SFMBT2: variants seen among roughly 807,000 people sequenced by gnomAD.
The protein encoded by SFMBT2 is scm-like with four MBT domains protein 2.
Under a neutral mutation model 110.1 loss-of-function variants are expected in SFMBT2, and 38 were observed. That is an observed-to-expected ratio of 0.35 (90% CI 0.27 to 0.45). The LOEUF (loss-of-function observed/expected upper bound fraction) is 0.45, where lower values mean the gene tolerates loss of function less well. Ranked by LOEUF, SFMBT2 falls within the 20% of genes least tolerant of loss-of-function variation. The pLI, the probability that SFMBT2 is intolerant of heterozygous loss-of-function variation, is 1.00. For synonymous variants in SFMBT2, 425 were observed against 425.4 expected, an observed-to-expected ratio of 1.00 and a Z score of 0.01; for missense variants, 1,011 against 1,094.9, an observed-to-expected ratio of 0.92 and a Z score of 1.08.
chr10:7,221,162 C>CAT (rs1839721310), intron 10 of SFMBT2, among the ~76,000 whole-genome samples: 1 of 152,090 alleles, frequency 6.6e-6, no homozygotes, highest in Non-Finnish European at 1.5e-5. Flanking sequence ...AAGTACACAC[C>CAT]ATTTCCTCCA....
chr10:7,193,798 C>T lies in SFMBT2; in HGVS notation c.1698+3750G>A, dbSNP rs1389818688. ...ATGTAAGTTACAAGGCAAAAATTTC[C>T]TGAACACCTCGTGCAATGCAAAGGA... On this transcript the variant is annotated intron_variant, in intron 15 of 20. Transcript: ENST00000397167. 2.0e-5 allele frequency among the ~76,000 whole-genome samples: 3 copies of T among 152,312 alleles called. No individual in the cohort carries two copies. The East Asian group carries it at 5.8e-4, about 29-fold the overall frequency.
intron 1 of SFMBT2, among the ~76,000 whole-genome samples, chr10:7,389,160 T>G (rs979841436): frequency 6.6e-6 from 1 of 152,154 alleles, no homozygotes; most frequent in Non-Finnish European, 1.5e-5. Flanking sequence ...AACAGATAAT[T>G]CTTGGGGAAA....
intron 14 of SFMBT2, 23 bp downstream of exon 14, chr10:7,200,391 A>AC (rs777267462): frequency 6.5e-7 from 1 of 1,546,612 alleles, no homozygotes; most frequent in Non-Finnish European, 8.7e-7. Context: ...AGGCACAGAG[A>AC]CCCCCTAAAT....
chr10:7,187,742 A>G (rs1173329974), intron 16 of SFMBT2, among the ~76,000 whole-genome samples: 1 of 152,206 alleles, frequency 6.6e-6, no homozygotes, highest in African/African-American at 2.4e-5. Flanking sequence ...ATTATTTCAT[A>G]TTTCTCAATT....
chr10:7,329,690 G>A (rs1843508588), intron 4 of SFMBT2: 2 of 168,568 alleles, frequency 1.2e-5, no homozygotes, highest in Admixed American at 6.5e-5. Context: ...GGCCGGGACT[G>A]CTGGCCACAG....
At chr10:7,255,754 C>G (rs998474735) in intron 7 of SFMBT2, among the ~76,000 whole-genome samples, 1 of 152,194 alleles carries the variant, frequency 6.6e-6, no homozygotes, top group African/African-American at 2.4e-5. Context: ...CACTCTCCTA[C>G]TAAGATGTAG....
At chr10:7,230,855 C>T (rs1220663270) in intron 9 of SFMBT2, among the ~76,000 whole-genome samples, 6 of 152,234 alleles carry the variant, frequency 3.9e-5, no homozygotes, top group African/African-American at 1.4e-4. Context: ...ATTGCTTGAA[C>T]CCGGAGGCGG....
intron 4 of SFMBT2, among the ~76,000 whole-genome samples, chr10:7,286,845 A>C (rs1397324811): frequency 6.6e-6 from 1 of 152,140 alleles, no homozygotes; most frequent in Non-Finnish European, 1.5e-5. Context: ...CTGGGAAATA[A>C]TACTGAGTGG....
intron 20 of SFMBT2, among the ~76,000 whole-genome samples, chr10:7,169,763 C>T (rs369385433): frequency 3.9e-5 from 6 of 152,184 alleles, no homozygotes; most frequent in South Asian, 2.1e-4. Flanking sequence ...AACTTGTTTC[C>T]GTATTAATTT....
At chr10:7,359,306 T>A (rs141578891) in intron 4 of SFMBT2, among the ~76,000 whole-genome samples, 1 of 152,276 alleles carries the variant, frequency 6.6e-6, no homozygotes, top group East Asian at 1.9e-4. Context: ...TCATCTGAGC[T>A]GCATCTGGAG....
intron 12 of SFMBT2, chr10:7,204,575 A>G (rs74533210): frequency 0.039 from 32,561 of 844,156 alleles, 736 homozygotes; most frequent in Non-Finnish European, 0.043. Flanking sequence ...TAACCTACAA[A>G]AATATGTTAA....
At chr10:7,403,001 C>T (rs1371819117) in intron 1 of SFMBT2, among the ~76,000 whole-genome samples, 1 of 152,068 alleles carries the variant, frequency 6.6e-6, no homozygotes, top group Non-Finnish European at 1.5e-5. Context: ...ATATTGAAAC[C>T]AATTATTTTC....
At chr10:7,358,458 G>A (rs1379668842) in intron 4 of SFMBT2, among the ~76,000 whole-genome samples, 1 of 150,524 alleles carries the variant, frequency 6.6e-6, no homozygotes, top group Non-Finnish European at 1.5e-5. Context: ...GCATGGCCCT[G>A]GAATGGAGGC....
intron 4 of SFMBT2, among the ~76,000 whole-genome samples, chr10:7,332,263 T>C (rs1360832825): frequency 6.6e-6 from 1 of 152,196 alleles, no homozygotes; most frequent in Non-Finnish European, 1.5e-5. Context: ...TCAATAAGGC[T>C]GAGAAGAGTG....
At chr10:7,407,445 G>A (rs1227858865) in intron 1 of SFMBT2, among the ~76,000 whole-genome samples, 1 of 152,130 alleles carries the variant, frequency 6.6e-6, no homozygotes, top group Non-Finnish European at 1.5e-5. Flanking sequence ...AGAGGGGTCG[G>A]CCTCGTCTAA....
chr10:7,383,695 C>T (rs1429165545), intron 1 of SFMBT2, among the ~76,000 whole-genome samples: 2 of 152,188 alleles, frequency 1.3e-5, no homozygotes, highest in African/African-American at 4.8e-5. Context: ...AATGACAGTG[C>T]AACAGAGAAG....
At chr10:7,178,579 C>A (rs1838145360) in intron 16 of SFMBT2, among the ~76,000 whole-genome samples, 2 of 152,106 alleles carry the variant, frequency 1.3e-5, no homozygotes, top group South Asian at 4.1e-4. Context: ...CACCCACCCA[C>A]ACAACAAAGA....
rs769325050 is a variant in SFMBT2, at chr10:7,171,051, C to T, written c.2421G>A (p.Thr807=). The T allele has an allele frequency of 8.1e-6, 13 of 1,614,132 alleles. No homozygotes were observed. The South Asian group carries it at 8.8e-5, about 11-fold the overall frequency. The change falls in exon 20 of 21, where the codon ACG becomes ACA. Residue 807 remains threonine (T), a synonymous_variant. Transcript: ENST00000397167. The surrounding 1 kb of genome is among the most constrained non-coding windows in gnomAD (Gnocchi z 4.9). ...CCAGTCTCTCCTCCTCCTCCTGTTT[C>T]GTGTCCTGCAGAGAAAGGGCAGGAG... ...PPTKPEGTED[T]KQEEEERLVL... is the part of the protein sequence containing the mutation.
At chr10:7,355,462 G>T (rs1474144434) in intron 4 of SFMBT2, among the ~76,000 whole-genome samples, 1 of 152,076 alleles carries the variant, frequency 6.6e-6, no homozygotes, top group African/African-American at 2.4e-5. Flanking sequence ...CACGTCTAGG[G>T]TTCCAGATTC....
Sources: allele counts gnomAD v4.1 joint callset (sites outside exome capture counted in the v4.1 genomes callset), GRCh38; gene constraint gnomAD v4.1.1; non-coding constraint Gnocchi (gnomAD v3.1); transcripts MANE v1.5; gene names NCBI Gene and HGNC (gene_info 2026-07-23, HGNC 2026-07-21).